The following TNFRSF10D variants were observed in gnomAD, a reference collection of about 807,000 sequenced individuals.
TNFRSF10D encodes the protein tumor necrosis factor receptor superfamily member 10D.
Under a neutral mutation model 42.1 loss-of-function variants are expected in TNFRSF10D, and 28 were observed. The observed-to-expected ratio is 0.66, with a 90% confidence interval of 0.49 to 0.91. The LOEUF (loss-of-function observed/expected upper bound fraction) is 0.91, where lower values mean the gene tolerates loss of function less well. Among genes scored for constraint, TNFRSF10D ranks in the 40% least tolerant of loss-of-function variants. The pLI, the probability that TNFRSF10D is intolerant of heterozygous loss-of-function variation, is 0.00. For missense variants in TNFRSF10D, 503 were observed against 486.1 expected, an observed-to-expected ratio of 1.03 and a Z score of -0.33; for synonymous variants, 186 against 189.4, an observed-to-expected ratio of 0.98 and a Z score of 0.15.
At chr8:23,160,600 G>A (rs990508259) in intron 1 of TNFRSF10D, among the ~76,000 whole-genome samples, 2 of 152,146 alleles carry the variant, frequency 1.3e-5, no homozygotes, top group African/African-American at 4.8e-5. Flanking sequence ...TCCACTACAC[G>A]AAGATGTACA....
intron 1 of TNFRSF10D, 102 bp from the exon 2 acceptor site, chr8:23,155,081 A>G (rs2128838957): frequency 1.1e-6 from 1 of 910,030 alleles, no homozygotes; most frequent in Non-Finnish European, 1.6e-6. Context: ...AACCCATGAG[A>G]GCCTGGACTT....
intron 1 of TNFRSF10D, among the ~76,000 whole-genome samples, chr8:23,158,968 T>G (rs1468770156): frequency 6.6e-6 from 1 of 152,204 alleles, no homozygotes; most frequent in East Asian, 1.9e-4. Flanking sequence ...CTCTTCTGCT[T>G]TGCTCCTATG....
At chr8:23,148,101 G>A (rs1027822490) in intron 3 of TNFRSF10D, among the ~76,000 whole-genome samples, 5 of 149,664 alleles carry the variant, frequency 3.3e-5, no homozygotes, top group African/African-American at 9.9e-5. Context: ...TTAGCTGGGT[G>A]TGGTGGTGCA....
chr8:23,150,537 G>C (rs1200918116), intron 2 of TNFRSF10D, among the ~76,000 whole-genome samples: 1 of 152,168 alleles, frequency 6.6e-6, no homozygotes, highest in African/African-American at 2.4e-5. Context: ...ACAAAATGAA[G>C]CACAAGTAAC....
intron 1 of TNFRSF10D, among the ~76,000 whole-genome samples, chr8:23,162,450 T>C (rs943899031): frequency 4.6e-5 from 7 of 152,254 alleles, no homozygotes; most frequent in East Asian, 1.9e-4. Flanking sequence ...TTAGTATTAC[T>C]TCGTTGAAAG....
chr8:23,156,670 T>C (rs1447082985), intron 1 of TNFRSF10D, among the ~76,000 whole-genome samples: 487 of 151,134 alleles, frequency 3.2e-3, no homozygotes, highest in African/African-American at 0.01. Context: ...GCTCAAGTGG[T>C]CCTCCAACCT....
intron 2 of TNFRSF10D, among the ~76,000 whole-genome samples, chr8:23,148,989 G>C (rs943823342): frequency 1.3e-5 from 2 of 151,490 alleles, no homozygotes; most frequent in Non-Finnish European, 2.9e-5. Context: ...AGGAGATCGA[G>C]ACCATCCTGG....
In TNFRSF10D at chr8:23,145,826, G is replaced by A. The variant is rs776245379; in HGVS notation, c.578C>T (p.Pro193Leu). The change falls in exon 5 of 9, where the codon CCA (proline) becomes CTA (leucine). Residue 193 changes from proline to leucine, a missense_variant. Coordinates refer to ENST00000312584, the MANE Select transcript of TNFRSF10D (RefSeq NM_003840.5). Reference sequence around the variant, plus strand: ...GGTGGTCACTGTCTCCTCCGCTGCTGGGGTTTTCCCAGTGGAACTGGCAGC... The same window carrying A: ...GGTGGTCACTGTCTCCTCCGCTGCTAGGGTTTTCCCAGTGGAACTGGCAGC... ...ESAASSTGKTPAAEETVTTIL... is the reference protein window; with the variant it reads ...ESAASSTGKTLAAEETVTTIL... The A allele has an allele frequency of 1.3e-5, 21 of 1,614,210 alleles. No individual in the cohort carries two copies. Among genetic ancestry groups the A allele is most frequent in the Non-Finnish European group, 1.8e-5 (21 of 1,180,038 alleles).
chr8:23,160,276 C>T (rs1331447657), intron 1 of TNFRSF10D, among the ~76,000 whole-genome samples: 1 of 152,186 alleles, frequency 6.6e-6, no homozygotes, highest in Non-Finnish European at 1.5e-5. Flanking sequence ...TCCCCCCAAG[C>T]CCATGAGGTG....
At position 23,136,982 on chromosome 8, in the gene TNFRSF10D, T is replaced by C. The variant is rs1366089928; in HGVS notation, c.*888A>G. On this transcript the variant is annotated 3_prime_UTR_variant, in exon 9 of 9. Coordinates refer to ENST00000312584, the MANE Select transcript of TNFRSF10D (RefSeq NM_003840.5). ...CTCCCTCCGTCACTAGTTATATTTT[T>C]AGTCATTTTTGACTGCTGATTTGTA... 2 of 152,138 alleles carry C rather than the reference T, an allele frequency of 1.3e-5. No homozygotes were observed. The highest frequency in any genetic ancestry group is 2.9e-5 in the Non-Finnish European group (2 of 68,024). 9.4% of individuals were successfully genotyped at this position (152,138 alleles called of 1,614,324 possible). A position where few individuals can be genotyped will look rare whatever the true frequency, so the allele number is the denominator to read the frequency against.
At chr8:23,149,300 C>T (rs554301423) in intron 2 of TNFRSF10D, among the ~76,000 whole-genome samples, 26 of 151,750 alleles carry the variant, frequency 1.7e-4, no homozygotes, top group Admixed American at 4.6e-4. Flanking sequence ...GGCAATGGCG[C>T]GACCTTGGCT....
At chr8:23,143,092 T>C (rs1420018818) in intron 7 of TNFRSF10D, among the ~76,000 whole-genome samples, 1 of 152,114 alleles carries the variant, frequency 6.6e-6, no homozygotes, top group African/African-American at 2.4e-5. Flanking sequence ...TTCTCCTGCC[T>C]CAGCCTCCCG....
At chr8:23,154,259 A>G (rs1027577536) in intron 2 of TNFRSF10D, among the ~76,000 whole-genome samples, 12 of 152,358 alleles carry the variant, frequency 7.9e-5, no homozygotes, top group South Asian at 2.1e-4. Flanking sequence ...ACAAAATTTC[A>G]GTTAGACAGG....
intron 2 of TNFRSF10D, among the ~76,000 whole-genome samples, chr8:23,150,144 T>G (rs192567590): frequency 6.6e-6 from 1 of 152,200 alleles, no homozygotes; most frequent in Non-Finnish European, 1.5e-5. Flanking sequence ...CCCACCTCCA[T>G]AGATTCAGCT....
At chr8:23,157,038 A>G (rs1800290746) in intron 1 of TNFRSF10D, among the ~76,000 whole-genome samples, 1 of 152,232 alleles carries the variant, frequency 6.6e-6, no homozygotes, top group Non-Finnish European at 1.5e-5. Flanking sequence ...CACAAATCAC[A>G]TAATTAGTAA....
At chr8:23,138,035 T>C (rs1196422112) in intron 8 of TNFRSF10D, 32 bp from the exon 9 acceptor site, 4 of 1,611,082 alleles carry the variant, frequency 2.5e-6, no homozygotes, top group Non-Finnish European at 3.4e-6. Context: ...AGGGTCTCAA[T>C]GCTCCAAGGA....
chr8:23,139,097 A>G (rs1315414475), intron 7 of TNFRSF10D, among the ~76,000 whole-genome samples: 2 of 152,266 alleles, frequency 1.3e-5, no homozygotes, highest in East Asian at 3.8e-4. Flanking sequence ...AAACTACAAT[A>G]TTGAAATAGA....
chr8:23,146,215 G>C (rs1264499902), intron 4 of TNFRSF10D, among the ~76,000 whole-genome samples: 1 of 152,214 alleles, frequency 6.6e-6, no homozygotes, highest in East Asian at 1.9e-4. Context: ...TGCGTTAGGA[G>C]GAGCCGCACT....
At chr8:23,150,764 AG>A (rs1197028538) in intron 2 of TNFRSF10D, among the ~76,000 whole-genome samples, 921 of 152,262 alleles carry the variant, frequency 6.0e-3, no homozygotes, top group African/African-American at 0.019. Flanking sequence ...ATCTGAACTA[AG>A]AAAATTCCAC....
Sources: allele counts gnomAD v4.1 joint callset (sites outside exome capture counted in the v4.1 genomes callset), GRCh38; gene constraint gnomAD v4.1.1; transcripts MANE v1.5; gene names NCBI Gene and HGNC (gene_info 2026-07-23, HGNC 2026-07-21).